Variants in UST observed in about 807,000 individuals in gnomAD.
UST encodes uronyl 2-sulfotransferase, also known as chondroitin sulfate 2-O-sulfotransferase.
A neutral mutation model predicts 45.6 loss-of-function variants in UST; 21 were observed. The ratio of observed to expected loss-of-function variants is 0.46; its 90% CI spans 0.33 to 0.66. The LOEUF (loss-of-function observed/expected upper bound fraction) is 0.66, where lower values mean the gene tolerates loss of function less well. UST is among the 30% of genes least tolerant of loss of function. The probability of loss-of-function intolerance (pLI) is 0.02; values close to 1 mark genes in which losing one functional copy is unlikely to be tolerated. For missense variants in UST, 463 were observed against 512.4 expected, an observed-to-expected ratio of 0.90 and a Z score of 0.93; for synonymous variants, 215 against 200.6, an observed-to-expected ratio of 1.07 and a Z score of -0.61.
At chr6:148,980,101 T>A (rs1471542103) in intron 5 of UST, among the ~76,000 whole-genome samples, 1 of 152,202 alleles carries the variant, frequency 6.6e-6, no homozygotes, top group Non-Finnish European at 1.5e-5. Flanking sequence ...CTCTCTTGGG[T>A]ATCCGATAAG....
chr6:148,875,827 C>T (rs1342222010), intron 1 of UST, among the ~76,000 whole-genome samples: 1 of 152,144 alleles, frequency 6.6e-6, no homozygotes, highest in Admixed American at 6.5e-5. Context: ...AACAAGGAAG[C>T]TAAATATGAC....
intron 7 of UST, among the ~76,000 whole-genome samples, chr6:149,054,798 G>A (rs77330361): frequency 0.038 from 5,766 of 152,214 alleles, 377 homozygotes; most frequent in African/African-American, 0.13. Context: ...AGGAAGGAGA[G>A]ACATTTTTTA....
chr6:148,909,225 CT>C (rs750088146), intron 2 of UST, among the ~76,000 whole-genome samples: 1 of 152,062 alleles, frequency 6.6e-6, no homozygotes, highest in Non-Finnish European at 1.5e-5. Flanking sequence ...AGTAATTGAA[CT>C]TTTTTAAAAG....
chr6:148,869,983 A>T (rs897773607), intron 1 of UST, among the ~76,000 whole-genome samples: 13 of 152,108 alleles, frequency 8.5e-5, no homozygotes, highest in Non-Finnish European at 1.5e-4. Context: ...CATGCACGTG[A>T]CCCATAACCC....
At chr6:148,846,521 A>G (rs1181809121) in intron 1 of UST, among the ~76,000 whole-genome samples, 2 of 152,024 alleles carry the variant, frequency 1.3e-5, no homozygotes, top group African/African-American at 2.4e-5. Flanking sequence ...TGGGTGCAGC[A>G]CACCAGCATG....
At chr6:148,900,069 AT>A (rs1489171756) in intron 2 of UST, among the ~76,000 whole-genome samples, 1 of 152,106 alleles carries the variant, frequency 6.6e-6, no homozygotes. Flanking sequence ...ATAACAAATA[AT>A]TCTCTTGTTT....
At chr6:148,824,700 C>A (rs889475383) in intron 1 of UST, among the ~76,000 whole-genome samples, 3 of 124,384 alleles carry the variant, frequency 2.4e-5, no homozygotes, top group South Asian at 2.5e-4. Flanking sequence ...TTATTATACT[C>A]TAAGTTTTAG....
Position 148,930,475 on chromosome 6 carries a change from C to T in UST, c.292-10804C>T, listed in dbSNP as rs369983197. On this transcript the variant is annotated intron_variant, in intron 2 of 7. Coordinates refer to ENST00000367463, the MANE Select transcript of UST (RefSeq NM_005715.3). ...CTTATGCCTAACCAAATGACTAGCA[C>T]GCAGTAAATGCTCAATAATTACTTG... Among the ~76,000 whole-genome samples, 45 of 152,220 alleles carry T rather than the reference C, an allele frequency of 3.0e-4. No homozygotes were observed. The South Asian group carries it at 5.4e-3, about 18-fold the overall frequency.
chr6:148,906,943 C>T (rs886439621), intron 2 of UST, among the ~76,000 whole-genome samples: 2 of 152,168 alleles, frequency 1.3e-5, no homozygotes, highest in Non-Finnish European at 1.5e-5. Flanking sequence ...CAGCAACAAG[C>T]AGAGTTTGAG....
intron 1 of UST, among the ~76,000 whole-genome samples, chr6:148,860,926 A>G (rs1778300595): frequency 6.6e-6 from 1 of 152,122 alleles, no homozygotes; most frequent in Non-Finnish European, 1.5e-5. Context: ...TTTTGCATTG[A>G]TGTTCATCAG....
Position 148,790,125 on chromosome 6 carries a change from C to T in UST, c.247+42448C>T, listed in dbSNP as rs1562258737. Among the ~76,000 whole-genome samples the T allele has an allele frequency of 6.6e-6, 1 of 151,760 alleles. No individual in the cohort carries two copies. The highest frequency in any genetic ancestry group is 6.6e-5 in the Admixed American group (1 of 15,214). Reference sequence around the variant, plus strand: ...TAGTTATCCTTGCAGCGGTGTCAGACTTTAGCTGCTTCCTGTAGCTCGTTC... The same window carrying T: ...TAGTTATCCTTGCAGCGGTGTCAGATTTTAGCTGCTTCCTGTAGCTCGTTC... On this transcript the variant is annotated intron_variant, in intron 1 of 7. Transcript: ENST00000367463. The surrounding 1 kb of genome is among the most constrained non-coding windows in gnomAD (Gnocchi z 4.2).
chr6:148,847,286 G>T (rs1778009045), intron 1 of UST, among the ~76,000 whole-genome samples: 1 of 152,232 alleles, frequency 6.6e-6, no homozygotes, highest in Non-Finnish European at 1.5e-5. Context: ...GTCAGCTGGG[G>T]CTGTGGGTGA....
intron 5 of UST, among the ~76,000 whole-genome samples, chr6:148,987,373 G>C (rs971993896): frequency 6.6e-6 from 1 of 152,180 alleles, no homozygotes; most frequent in Non-Finnish European, 1.5e-5. Context: ...ACCCAGGAAG[G>C]GTCAGGATGG....
At position 149,019,132 on chromosome 6, in the gene UST, C is replaced by T. The variant is rs974074989; in HGVS notation, c.682-7C>T. 1.2e-6 allele frequency: 2 copies of T among 1,605,310 alleles called. No homozygotes were observed. Among genetic ancestry groups the T allele is most frequent in the Admixed American group, 1.7e-5 (1 of 60,010 alleles). On this transcript the variant is annotated splice_polypyrimidine_tract_variant and splice_region_variant and intron_variant, in intron 5 of 7. Transcript: ENST00000367463. ...AAGACATCTGACTGCTGTATTTTCT[C>T]TTCTAGGATATCAATGAGTGTATTC...
intron 1 of UST, among the ~76,000 whole-genome samples, chr6:148,789,182 T>C (rs1158020811): frequency 6.6e-6 from 1 of 152,224 alleles, no homozygotes; most frequent in Non-Finnish European, 1.5e-5. Flanking sequence ...TATTTCTTTT[T>C]CTTTCCAGAA....
chr6:148,963,853 G>A (rs569821611), intron 4 of UST, among the ~76,000 whole-genome samples: 1 of 152,294 alleles, frequency 6.6e-6, no homozygotes, highest in Admixed American at 6.5e-5. Flanking sequence ...GAGGTATTTA[G>A]AACAAGGTGA....
chr6:148,871,280 C>T (rs988664046), intron 1 of UST, among the ~76,000 whole-genome samples: 5 of 152,104 alleles, frequency 3.3e-5, no homozygotes, highest in African/African-American at 1.2e-4. Context: ...CTTCCTGCCT[C>T]CAGAACTGTG....
chr6:148,904,400 G>A (rs1048819215), intron 2 of UST, among the ~76,000 whole-genome samples: 4 of 152,012 alleles, frequency 2.6e-5, no homozygotes, highest in African/African-American at 7.2e-5. Context: ...TAATATTTTG[G>A]AGTTGATGTT....
At chr6:149,007,562 A>G (rs1258202544) in intron 5 of UST, among the ~76,000 whole-genome samples, 1 of 149,870 alleles carries the variant, frequency 6.7e-6, no homozygotes, top group African/African-American at 2.5e-5. Flanking sequence ...TGCTGGGATT[A>G]CAGGCGTGAG....
Sources: gnomAD v4.1 joint callset for allele counts (sites outside exome capture counted in the v4.1 genomes callset) on GRCh38, gnomAD v4.1.1 for gene constraint, Gnocchi (gnomAD v3.1) non-coding constraint, MANE v1.5 for transcripts, NCBI Gene and HGNC (gene_info 2026-07-23, HGNC 2026-07-21) for gene names.